The following PDE1C variants were observed in gnomAD, a reference collection of about 807,000 sequenced individuals.
PDE1C encodes the protein phosphodiesterase 1C.
A neutral mutation model predicts 93.1 loss-of-function variants in PDE1C; 62 were observed. That is an observed-to-expected ratio of 0.67 (90% CI 0.54 to 0.82). The LOEUF (loss-of-function observed/expected upper bound fraction) is 0.82, where lower values mean the gene tolerates loss of function less well. PDE1C is among the 40% of genes least tolerant of loss of function. The probability of loss-of-function intolerance (pLI) is 0.00; values close to 1 mark genes in which losing one functional copy is unlikely to be tolerated. For synonymous variants in PDE1C, 325 were observed against 310.1 expected, an observed-to-expected ratio of 1.05 and a Z score of -0.50; for missense variants, 742 against 884.6, an observed-to-expected ratio of 0.84 and a Z score of 2.04.
chr7:32,284,138 A>C (rs1008165025), intron 1 of PDE1C, among the ~76,000 whole-genome samples: 2 of 152,236 alleles, frequency 1.3e-5, no homozygotes, highest in Non-Finnish European at 2.9e-5. Flanking sequence ...TAACCCATAG[A>C]AAAGAAGGGC....
intron 3 of PDE1C, among the ~76,000 whole-genome samples, chr7:32,152,825 T>C (rs1801338717): frequency 6.6e-6 from 1 of 152,112 alleles, no homozygotes; most frequent in African/African-American, 2.4e-5. Context: ...GGTAAAATGA[T>C]CCATGAAAAA....
At chr7:31,671,821 C>A in the PDE1C span, among the ~76,000 whole-genome samples, 1 of 152,110 alleles carries the variant, frequency 6.6e-6, no homozygotes, top group South Asian at 2.1e-4. Flanking sequence ...CAGGGAAATC[C>A]CAGAGATCTA....
intron 1 of PDE1C, among the ~76,000 whole-genome samples, chr7:32,270,414 T>C (rs1439305920): frequency 6.6e-6 from 1 of 151,998 alleles, no homozygotes; most frequent in African/African-American, 2.4e-5. Flanking sequence ...AGAATATATA[T>C]ACACAATCAG....
intron 2 of PDE1C, among the ~76,000 whole-genome samples, chr7:31,955,881 G>A (rs951427358): frequency 6.6e-6 from 1 of 152,188 alleles, no homozygotes; most frequent in African/African-American, 2.4e-5. Context: ...TGTCTGCACT[G>A]TCTTCCTTCA....
chr7:31,914,234 T>C (rs1801602110), intron 2 of PDE1C, among the ~76,000 whole-genome samples: 2 of 152,092 alleles, frequency 1.3e-5, no homozygotes, highest in Admixed American at 1.3e-4. Context: ...AGATCTTAAT[T>C]AAAATATAGT....
At chr7:32,071,546 T>C, upstream of PDE1C, 1 of 405,912 alleles carries the variant, frequency 2.5e-6, no homozygotes, top group African/African-American at 2.3e-5. Context: ...GGAGAAAATA[T>C]ACCAATAGTG....
intron 2 of PDE1C, among the ~76,000 whole-genome samples, chr7:31,927,201 C>T (rs1427582074): frequency 6.6e-6 from 1 of 152,140 alleles, no homozygotes; most frequent in East Asian, 1.9e-4. Flanking sequence ...CTGTGTGGAA[C>T]TCACCGCAGT....
At chr7:31,694,506 A>G in the PDE1C span, among the ~76,000 whole-genome samples, 1 of 152,186 alleles carries the variant, frequency 6.6e-6, no homozygotes, top group Non-Finnish European at 1.5e-5. Flanking sequence ...CTAGAAAATG[A>G]TAAGAGTCCA....
In PDE1C at chr7:31,816,089, T is replaced by C; in HGVS notation, c.1648A>G (p.Met550Val). 1 of 1,614,036 alleles carries C rather than the reference T, an allele frequency of 6.2e-7. No individual in the cohort carries two copies. Among genetic ancestry groups the C allele is most frequent in the Non-Finnish European group, 8.5e-7 (1 of 1,179,934 alleles). ...TCTTCAGCCTGGCTTTTGGCTTCCA[T>C]TTCCTTTTGCTGCTCCTCTGCGGCC... ...RLAAEEQQKE[M>V]EAKSQAEEGA... Residue 550 changes from methionine (M) to valine (V), a missense_variant, in exon 15 of 18, where the codon ATG becomes GTG. Transcript: ENST00000396191.
intron 2 of PDE1C, among the ~76,000 whole-genome samples, chr7:32,190,676 A>G (rs1162492850): frequency 6.6e-6 from 1 of 152,160 alleles, no homozygotes; most frequent in East Asian, 1.9e-4. Flanking sequence ...ACAAACATTT[A>G]TTGAACACCT....
At chr7:31,623,871 C>T in the PDE1C span, among the ~76,000 whole-genome samples, 2 of 151,968 alleles carry the variant, frequency 1.3e-5, no homozygotes, top group South Asian at 2.1e-4. Flanking sequence ...TGTAGAAAAC[C>T]CCATTGTCTC....
At chr7:32,407,300 A>G (rs1785074812) in intron 1 of PDE1C, among the ~76,000 whole-genome samples, 1 of 152,162 alleles carries the variant, frequency 6.6e-6, no homozygotes, top group Non-Finnish European at 1.5e-5. Context: ...CTGGACAGAG[A>G]GAGGAAAAAG....
intron 3 of PDE1C, among the ~76,000 whole-genome samples, chr7:32,140,683 T>G (rs1420113218): frequency 6.6e-6 from 1 of 152,188 alleles, no homozygotes; most frequent in Non-Finnish European, 1.5e-5. Context: ...AGGTAGGGTA[T>G]GATTGGGGCT....
upstream of PDE1C, among the ~76,000 whole-genome samples, chr7:32,075,856 G>A (rs1056373955): frequency 6.6e-6 from 1 of 152,142 alleles, no homozygotes; most frequent in Admixed American, 6.5e-5. Context: ...TAATCCTTCC[G>A]ATAGAGGTGG....
intron 1 of PDE1C, among the ~76,000 whole-genome samples, chr7:32,378,949 C>T (rs1280915412): frequency 6.6e-6 from 1 of 152,226 alleles, no homozygotes; most frequent in Non-Finnish European, 1.5e-5. Flanking sequence ...GCAGGAATAA[C>T]CTATCAGGCA....
At chr7:31,732,879 C>T in the PDE1C span, among the ~76,000 whole-genome samples, 5 of 152,088 alleles carry the variant, frequency 3.3e-5, 1 homozygote, top group South Asian at 2.1e-4. Context: ...CACTGACTGA[C>T]GAATTAGGTG....
At chr7:31,689,435 A>G in the PDE1C span, among the ~76,000 whole-genome samples, 1 of 152,068 alleles carries the variant, frequency 6.6e-6, no homozygotes, top group African/African-American at 2.4e-5. Context: ...AGATGATGAA[A>G]CCTTCCCTGG....
the PDE1C span, among the ~76,000 whole-genome samples, chr7:31,704,199 G>A: frequency 6.6e-6 from 1 of 152,224 alleles, no homozygotes; most frequent in African/African-American, 2.4e-5. Context: ...GGATCAGGAT[G>A]TCCATTGAAA....
chr7:32,244,664 C>T (rs540606796), intron 1 of PDE1C, among the ~76,000 whole-genome samples: 2 of 152,318 alleles, frequency 1.3e-5, no homozygotes, highest in African/African-American at 4.8e-5. Context: ...AAAGCCTCCA[C>T]ACATCTTCCC....
Sources: allele counts gnomAD v4.1 joint callset (sites outside exome capture counted in the v4.1 genomes callset), GRCh38; gene constraint gnomAD v4.1.1; transcripts MANE v1.5; gene names NCBI Gene and HGNC (gene_info 2026-07-23, HGNC 2026-07-21).